The following PAAF1 variants were observed in gnomAD, a reference collection of about 807,000 sequenced individuals.
PAAF1 encodes proteasomal ATPase-associated factor 1.
PAAF1 carries 46 observed loss-of-function variants against 52.8 expected under a neutral mutation model. The observed-to-expected ratio is 0.87, with a 90% confidence interval of 0.69 to 1.11. PAAF1 has a LOEUF of 1.11. PAAF1 is among the 50% of genes most tolerant of loss of function. PAAF1 has a pLI of 0.00. For synonymous variants in PAAF1, 178 were observed against 172.8 expected, an observed-to-expected ratio of 1.03 and a Z score of -0.24; for missense variants, 424 against 477.4, an observed-to-expected ratio of 0.89 and a Z score of 1.04.
At chr11:73,882,466 G>A (rs1948941510) in intron 2 of PAAF1, among the ~76,000 whole-genome samples, 1 of 151,538 alleles carries the variant, frequency 6.6e-6, no homozygotes, top group African/African-American at 2.4e-5. Flanking sequence ...TTATTTTTGA[G>A]ATGGAGTTTC....
chr11:73,899,040 T>A, intron 4 of PAAF1, 106 bp from the exon 5 acceptor site: 1 of 826,628 alleles, frequency 1.2e-6, no homozygotes, highest in South Asian at 1.9e-5. Context: ...AAACACAGGC[T>A]TCAGGAAGTC....
At chr11:73,921,687 G>T in intron 10 of PAAF1, 2 of 831,368 alleles carry the variant, frequency 2.4e-6, no homozygotes, top group Non-Finnish European at 4.1e-6. Flanking sequence ...ACTCTAGCAT[G>T]AACTGTCTCT....
chr11:73,896,223 A>G (rs1347427871), intron 4 of PAAF1, among the ~76,000 whole-genome samples: 1 of 148,730 alleles, frequency 6.7e-6, no homozygotes, highest in African/African-American at 2.5e-5. Flanking sequence ...AGCTATACCT[A>G]TATATAGGTA....
chr11:73,888,787 AT>A (rs1949127742), intron 3 of PAAF1: 1 of 318,996 alleles, frequency 3.1e-6, no homozygotes, highest in African/African-American at 2.1e-5. Context: ...TCTGACACTT[AT>A]TAGCTGTGTG....
intron 2 of PAAF1, among the ~76,000 whole-genome samples, chr11:73,880,987 C>T (rs990121942): frequency 6.6e-6 from 1 of 151,782 alleles, no homozygotes; most frequent in Non-Finnish European, 1.5e-5. Flanking sequence ...GCAACAAGAG[C>T]GAAACTCCAT....
intron 4 of PAAF1, among the ~76,000 whole-genome samples, chr11:73,896,495 T>C (rs983687169): frequency 1.3e-5 from 2 of 150,816 alleles, no homozygotes; most frequent in Non-Finnish European, 3.0e-5. Flanking sequence ...GGAGTGGTGA[T>C]GACTCTTAAG....
chr11:73,924,469 C>T, intron 10 of PAAF1, 146 bp from the exon 11 acceptor site: 3 of 647,878 alleles, frequency 4.6e-6, no homozygotes, highest in Non-Finnish European at 7.8e-6. Flanking sequence ...AAAAGTTGGC[C>T]CACGTAATAA....
chr11:73,896,790 C>G (rs903752319), intron 4 of PAAF1, among the ~76,000 whole-genome samples: 5 of 152,312 alleles, frequency 3.3e-5, no homozygotes, highest in Non-Finnish European at 7.4e-5. Flanking sequence ...GTCCTCATGG[C>G]CCGTTCTCAA....
intron 2 of PAAF1, among the ~76,000 whole-genome samples, chr11:73,880,862 T>A (rs1158225081): frequency 4.6e-5 from 7 of 151,632 alleles, no homozygotes; most frequent in Admixed American, 4.6e-4. Context: ...TACCTGGGCG[T>A]GGTGGTGCAT....
intron 4 of PAAF1, among the ~76,000 whole-genome samples, chr11:73,893,260 G>A (rs373094916): frequency 5.7e-4 from 87 of 152,272 alleles, no homozygotes; most frequent in African/African-American, 1.8e-3. Context: ...ATGCATTGCC[G>A]CTTAACTGAT....
chr11:73,893,769 A>G (rs961739880), intron 4 of PAAF1, among the ~76,000 whole-genome samples: 1 of 146,792 alleles, frequency 6.8e-6, no homozygotes, highest in Admixed American at 6.9e-5. Context: ...AAAGAAAGAA[A>G]AAACTAAACG....
Position 73,897,096 on chromosome 11 carries a change from G to A in PAAF1, c.283-2050G>A, listed in dbSNP as rs1393169150. 2.1e-5 allele frequency among the ~76,000 whole-genome samples: 3 copies of A among 144,250 alleles called. No individual in the cohort carries two copies. In the East Asian group the frequency reaches 6.3e-4, roughly 30 times the overall value. 94.6% of individuals were successfully genotyped at this position (144,250 alleles called of 152,430 possible). On this transcript the variant is annotated intron_variant, in intron 4 of 11. Transcript: ENST00000310571. ...CACCTCCCAGACGGGGCGGCTGGCC[G>A]GGCAGAGTGGCTCCTCACTTCCCAG...
chr11:73,877,460 C>T (rs1948774925), intron 1 of PAAF1, among the ~76,000 whole-genome samples: 2 of 152,084 alleles, frequency 1.3e-5, no homozygotes, highest in African/African-American at 4.8e-5. Context: ...TCTCCTAGGC[C>T]CCTAATGCTA....
chr11:73,920,520 ACT>A (rs1378925817), intron 10 of PAAF1, among the ~76,000 whole-genome samples: 1 of 151,898 alleles, frequency 6.6e-6, no homozygotes, highest in East Asian at 1.9e-4. Flanking sequence ...ACAAAGCGAG[ACT>A]CTGTCTCAAA....
chr11:73,897,550 G>GGCC (rs1373644022), intron 4 of PAAF1, among the ~76,000 whole-genome samples: 1 of 151,138 alleles, frequency 6.6e-6, no homozygotes, highest in Non-Finnish European at 1.5e-5. Context: ...GACGATGGGC[G>GGCC]GCCGGGCAGA....
intron 6 of PAAF1, among the ~76,000 whole-genome samples, chr11:73,908,349 G>GTATATATGTGTATATATGTA (rs1565143770): frequency 5.8e-5 from 8 of 137,934 alleles, no homozygotes; most frequent in South Asian, 2.2e-4. Flanking sequence ...GTATATATGT[G>GTATATATGTGTATATATGTA]TATATATGTG....
intron 10 of PAAF1, among the ~76,000 whole-genome samples, chr11:73,919,993 A>T (rs1417941893): frequency 6.6e-6 from 1 of 152,142 alleles, no homozygotes; most frequent in East Asian, 1.9e-4. Flanking sequence ...CAACTAAGTC[A>T]GTGGTATTCT....
intron 10 of PAAF1, among the ~76,000 whole-genome samples, chr11:73,920,983 A>G (rs1486583349): frequency 6.6e-6 from 1 of 151,970 alleles, no homozygotes; most frequent in Non-Finnish European, 1.5e-5. Flanking sequence ...CCTCTGTCCT[A>G]TCTACAGGCC....
chr11:73,901,658 A>G (rs1182203310), intron 6 of PAAF1, among the ~76,000 whole-genome samples: 1 of 151,264 alleles, frequency 6.6e-6, no homozygotes, highest in Non-Finnish European at 1.5e-5. Context: ...GCCGGAGTCC[A>G]GTGGCATGAT....
Sources: gnomAD v4.1 joint callset for allele counts (sites outside exome capture counted in the v4.1 genomes callset) on GRCh38, gnomAD v4.1.1 for gene constraint, MANE v1.5 for transcripts, NCBI Gene and HGNC (gene_info 2026-07-23, HGNC 2026-07-21) for gene names.